The following NKAIN2 variants were observed in gnomAD, a reference collection of about 807,000 sequenced individuals.
NKAIN2 encodes the protein sodium/potassium-transporting ATPase subunit beta-1-interacting protein 2.
Under a neutral mutation model 32.6 loss-of-function variants are expected in NKAIN2, and 14 were observed. That is an observed-to-expected ratio of 0.43 (90% confidence interval 0.28 to 0.67). The LOEUF is 0.67. Among genes scored for constraint, NKAIN2 ranks in the 30% least tolerant of loss-of-function variants. The pLI is 0.17. For synonymous variants in NKAIN2, 80 were observed against 87.2 expected (o/e 0.92, Z 0.46); for missense variants, 198 against 258.3 (o/e 0.77, Z 1.60).
intron 3 of NKAIN2, chr6:124,390,800 T>G (rs1185488525): frequency 1.3e-5 from 2 of 152,104 alleles, no homozygotes; most frequent in Admixed American, 6.6e-5. Flanking sequence ...GCACCAGAAC[T>G]GCAAATCCAG....
At chr6:124,763,006 T>C (rs989496101) in intron 4 of NKAIN2, among the ~76,000 whole-genome samples, 11 of 152,276 alleles carry the variant, frequency 7.2e-5, no homozygotes, top group Middle Eastern at 3.4e-3. Flanking sequence ...GTGTTGAAAA[T>C]GGGTAAACCT....
intron 1 of NKAIN2, among the ~76,000 whole-genome samples, chr6:123,925,461 AG>A (rs1775965779): frequency 6.6e-6 from 1 of 152,194 alleles, no homozygotes. Context: ...GCTTATGAAT[AG>A]ACTCTGACTG....
At chr6:124,283,636 T>C (rs933019027) in intron 2 of NKAIN2, among the ~76,000 whole-genome samples, 2 of 152,198 alleles carry the variant, frequency 1.3e-5, no homozygotes, top group Non-Finnish European at 2.9e-5. Flanking sequence ...TTCTCCATAA[T>C]TCTCTTTTTG....
intron 1 of NKAIN2, among the ~76,000 whole-genome samples, chr6:123,826,202 A>T (rs1774140555): frequency 1.3e-5 from 2 of 152,164 alleles, no homozygotes; most frequent in African/African-American, 2.4e-5. Flanking sequence ...GAGATTTGTC[A>T]GATTTTTGCC....
At chr6:124,817,169 C>T (rs1371531302) in intron 5 of NKAIN2, among the ~76,000 whole-genome samples, 1 of 152,286 alleles carries the variant, frequency 6.6e-6, no homozygotes, top group South Asian at 2.1e-4. Context: ...AGGCTACATG[C>T]AGCCCAGGAC....
chr6:124,047,176 G>A (rs1782179018), intron 1 of NKAIN2, among the ~76,000 whole-genome samples: 4 of 151,940 alleles, frequency 2.6e-5, no homozygotes, highest in African/African-American at 9.7e-5. Flanking sequence ...AGTATAATTT[G>A]TGAGGTGGAA....
intron 1 of NKAIN2, among the ~76,000 whole-genome samples, chr6:123,895,875 G>C (rs538622926): frequency 6.7e-6 from 1 of 150,180 alleles, no homozygotes; most frequent in South Asian, 2.2e-4. Flanking sequence ...ACATTCGTTC[G>C]TCTCCCTTAT....
At chr6:124,296,268 T>C (rs765826425) in intron 2 of NKAIN2, among the ~76,000 whole-genome samples, 21 of 152,020 alleles carry the variant, frequency 1.4e-4, no homozygotes, top group Non-Finnish European at 2.2e-4. Flanking sequence ...AGTATAAAAT[T>C]GAGGTTTATA....
chr6:124,292,539 C>CTT lies in NKAIN2; in HGVS notation c.192+9410_192+9411dup, dbSNP rs61460248. Reference sequence around the variant, plus strand: ...TTAACAATGAGAGCTGAGCAGATGACTTTTTTTTTTTTTTGAGACAGAGTG... The same window carrying CTT: ...TTAACAATGAGAGCTGAGCAGATGACTTTTTTTTTTTTTTTTGAGACAGAGTG... On this transcript the variant is annotated intron_variant, in intron 2 of 6. Transcript: ENST00000368417. 4.7e-3 allele frequency among the ~76,000 whole-genome samples: 677 copies of CTT among 143,460 alleles called. 6 individuals carry two copies. The highest frequency in any genetic ancestry group is 0.015 in the African/African-American group (606 of 39,554). 94.1% of individuals were successfully genotyped at this position (143,460 alleles called of 152,430 possible). A position where few individuals can be genotyped will look rare whatever the true frequency, so the allele number is the denominator to read the frequency against.
intron 1 of NKAIN2, among the ~76,000 whole-genome samples, chr6:123,913,283 G>T (rs1775317363): frequency 6.6e-6 from 1 of 152,096 alleles, no homozygotes; most frequent in Admixed American, 6.6e-5. Context: ...CCTAAAATCA[G>T]CTAATTAATT....
At chr6:124,544,641 A>G (rs1033299296) in intron 3 of NKAIN2, among the ~76,000 whole-genome samples, 4 of 152,020 alleles carry the variant, frequency 2.6e-5, no homozygotes, top group Admixed American at 2.0e-4. Flanking sequence ...CCGAACCTCA[A>G]TGCATTTGAA....
intron 4 of NKAIN2, among the ~76,000 whole-genome samples, chr6:124,785,435 C>T (rs1400514110): frequency 6.6e-6 from 1 of 152,132 alleles, no homozygotes; most frequent in African/African-American, 2.4e-5. Flanking sequence ...TGAGGCCATC[C>T]TCACTGTTGG....
chr6:124,553,521 G>T (rs947510792), intron 3 of NKAIN2, among the ~76,000 whole-genome samples: 4 of 152,006 alleles, frequency 2.6e-5, no homozygotes, highest in African/African-American at 9.7e-5. Flanking sequence ...TGGTCAGGCT[G>T]GTCTCCAACT....
At chr6:124,733,552 C>T (rs544893558) in intron 4 of NKAIN2, among the ~76,000 whole-genome samples, 2 of 151,928 alleles carry the variant, frequency 1.3e-5, no homozygotes, top group South Asian at 4.2e-4. Flanking sequence ...GTTAGCAATT[C>T]TGATACTGCT....
At chr6:124,160,749 A>G (rs371496701) in intron 1 of NKAIN2, among the ~76,000 whole-genome samples, 1 of 152,156 alleles carries the variant, frequency 6.6e-6, no homozygotes, top group African/African-American at 2.4e-5. Context: ...AGGTGTAAAT[A>G]TGCATGTATT....
chr6:123,908,787 G>A (rs1188899499), intron 1 of NKAIN2, among the ~76,000 whole-genome samples: 2 of 152,004 alleles, frequency 1.3e-5, no homozygotes, highest in African/African-American at 4.8e-5. Flanking sequence ...AAATAATCTT[G>A]GTTTGGAATA....
At chr6:124,101,688 G>T (rs1408188831) in intron 1 of NKAIN2, among the ~76,000 whole-genome samples, 1 of 152,010 alleles carries the variant, frequency 6.6e-6, no homozygotes, top group Non-Finnish European at 1.5e-5. Context: ...AGAGCGCTTG[G>T]AATGTGACAT....
rs149368007 is a variant in NKAIN2, at chr6:124,586,994, A to G, written c.274-71192A>G. Among the ~76,000 whole-genome samples, 412 of 152,318 alleles carry G rather than the reference A, an allele frequency of 2.7e-3. 4 individuals carry two copies. Among genetic ancestry groups the G allele is most frequent in the African/African-American group, 9.1e-3 (380 of 41,590 alleles). On this transcript the variant is annotated intron_variant, in intron 3 of 6. Coordinates refer to ENST00000368417, the MANE Select transcript of NKAIN2 (RefSeq NM_001040214.3). ...ACATTTTGGAAAAGGCAAAACTTCAAGGTAGGAAACAGATCCCTAGTTTCC... is the reference window on the plus strand; with the variant it reads ...ACATTTTGGAAAAGGCAAAACTTCAGGGTAGGAAACAGATCCCTAGTTTCC...
chr6:124,402,822 G>A (rs1015369540), intron 3 of NKAIN2, among the ~76,000 whole-genome samples: 1 of 152,138 alleles, frequency 6.6e-6, no homozygotes. Context: ...ATACAAGGAA[G>A]GTAAAGGTGG....
Sources: allele counts gnomAD v4.1 joint callset (sites outside exome capture counted in the v4.1 genomes callset), GRCh38; gene constraint gnomAD v4.1.1; transcripts MANE v1.5; gene names NCBI Gene and HGNC (gene_info 2026-07-23, HGNC 2026-07-21).